Variants in FAM110C observed in about 807,000 individuals in gnomAD.
The protein encoded by FAM110C is family with sequence similarity 110 member C.
In FAM110C, 19 loss-of-function variants were observed where a neutral mutation model predicts 15.7. That is an observed-to-expected ratio of 1.21 (90% CI 0.85 to 1.78). FAM110C has a LOEUF of 1.78. Among genes scored for constraint, FAM110C ranks in the 40% most tolerant of loss-of-function variants. The pLI is 0.00. For missense variants in FAM110C, 547 were observed against 495.7 expected (o/e 1.10, Z -0.98); for synonymous variants, 275 against 233.9 (o/e 1.18, Z -1.61).
At position 39,721 on chromosome 2, in the gene FAM110C, T is replaced by G. The variant is rs1012694510; in HGVS notation, c.*1887A>C. 4 of 152,224 alleles carry G rather than the reference T, an allele frequency of 2.6e-5. No individual in the cohort carries two copies. The highest frequency in any genetic ancestry group is 9.6e-5 in the African/African-American group (4 of 41,468). The allele number at this position is 152,224 out of a possible 1,614,324, so 9.4% of individuals were successfully genotyped here. On this transcript the variant is annotated 3_prime_UTR_variant, in exon 2 of 2. Transcript: ENST00000327669. ...ATGAATGATGAGTCTGCATGATTTT[T>G]ATCTTAAATAAATCTGACCCAGGCT...
At chr2:44,805 G>A in intron 1 of FAM110C, 1 of 985,418 alleles carries the variant, frequency 1.0e-6, no homozygotes, top group Non-Finnish European at 1.2e-6. Context: ...TTAAAAACCT[G>A]AAGCTCTCAA....
At position 45,500 on chromosome 2, in the gene FAM110C, A is replaced by G; in HGVS notation, c.886T>C (p.Trp296Arg). The G allele has an allele frequency of 6.2e-7, 1 of 1,614,056 alleles. No homozygotes were observed. The highest frequency in any genetic ancestry group is 1.1e-5 in the South Asian group (1 of 91,074). The change falls in exon 1 of 2, where the codon TGG becomes CGG. Residue 296 changes from tryptophan (W) to arginine (R), a missense_variant. Trp to Arg is a moderately radical substitution (Grantham distance 101). Transcript: ENST00000327669. ...VIERNARIIK[W>R]LYTCKKAKET... ...TTGGCCTTCTTACAGGTGTACAGCC[A>G]CTTGATGATGCGGGCGTTCCTCTCG... is the stretch of plus-strand genomic sequence containing the variant.
intron 1 of FAM110C, 28 bp downstream of exon 1, chr2:45,412 C>A: frequency 6.3e-7 from 1 of 1,582,932 alleles, no homozygotes; most frequent in East Asian, 2.2e-5. Context: ...ACACGGCCAG[C>A]CCCGCCCCCA....
chr2:44,862 T>C, intron 1 of FAM110C: 6 of 985,424 alleles, frequency 6.1e-6, no homozygotes, highest in Non-Finnish European at 7.2e-6. Flanking sequence ...TGTTGCTAAG[T>C]GAATGCCAAA....
In FAM110C at chr2:40,156, G is replaced by A; in HGVS notation, c.*1452C>T. On this transcript the variant is annotated 3_prime_UTR_variant, in exon 2 of 2. Coordinates refer to ENST00000327669, the MANE Select transcript of FAM110C (RefSeq NM_001077710.3). Reference sequence around the variant, plus strand: ...ACAAAGAGATGACCAAGAAAAACATGATTTAAAATTATACTGACAAAAACT... The same window carrying A: ...ACAAAGAGATGACCAAGAAAAACATAATTTAAAATTATACTGACAAAAACT... 1 of 152,094 alleles carries A rather than the reference G, an allele frequency of 6.6e-6. No homozygotes were observed. The highest frequency in any genetic ancestry group is 1.9e-4 in the East Asian group (1 of 5,200). 9.4% of individuals were successfully genotyped at this position (152,094 alleles called of 1,614,324 possible).
rs532263827 is a variant in FAM110C, at chr2:39,994, G to C, written c.*1614C>G. 4 of 152,262 alleles carry C rather than the reference G, an allele frequency of 2.6e-5. No individual in the cohort carries two copies. The East Asian group carries it at 7.7e-4, about 29-fold the overall frequency. 9.4% of individuals were successfully genotyped at this position (152,262 alleles called of 1,614,324 possible). A position where few individuals can be genotyped will look rare whatever the true frequency, so the allele number is the denominator to read the frequency against. ...TCAGGGGACCTGCTGTCCTGACAGA[G>C]TCTATATTCGGCCAGCAAAGGCTCC... is the stretch of plus-strand genomic sequence containing the variant. On this transcript the variant is annotated 3_prime_UTR_variant, in exon 2 of 2. Transcript: ENST00000327669.
In FAM110C at chr2:40,462, T is replaced by C. The variant is rs998437588; in HGVS notation, c.*1146A>G. The C allele has an allele frequency of 1.3e-5, 2 of 152,188 alleles. No individual in the cohort carries two copies. The highest frequency in any genetic ancestry group is 4.8e-5 in the African/African-American group (2 of 41,454). The allele number at this position is 152,188 out of a possible 1,614,324, so 9.4% of individuals were successfully genotyped here. Reference sequence around the variant, plus strand: ...GAAGAATTGGCTGGGTAACAAATTTTCTTTGGGTTATTTCTCAGAAGGTTC... The same window carrying C: ...GAAGAATTGGCTGGGTAACAAATTTCCTTTGGGTTATTTCTCAGAAGGTTC... On this transcript the variant is annotated 3_prime_UTR_variant, in exon 2 of 2. Transcript: ENST00000327669.
rs1484187816 is a variant in FAM110C at position 39,059 on chromosome 2, TA to T, written c.*2548del. ...CAGTGCCCAGTAGTTTAAAACATTC[TA>T]TTATGTTTAATTACATTTTGAAAAA... On this transcript the variant is annotated 3_prime_UTR_variant, in exon 2 of 2. Transcript: ENST00000327669. 6.6e-6 allele frequency: 1 copy of T among 152,238 alleles called. No homozygotes were observed. The highest frequency in any genetic ancestry group is 1.5e-5 in the Non-Finnish European group (1 of 68,042). The allele number at this position is 152,238 out of a possible 1,614,324, so 9.4% of individuals were successfully genotyped here.
intron 1 of FAM110C, chr2:42,690 T>C (rs993285652): frequency 1.5e-5 from 6 of 390,148 alleles, no homozygotes; most frequent in African/African-American, 1.1e-4. Flanking sequence ...AAGAAACTTA[T>C]AAACGTATTT....
At chr2:43,092 G>C (rs10179984) in intron 1 of FAM110C, 2 of 985,430 alleles carry the variant, frequency 2.0e-6, no homozygotes, top group South Asian at 4.7e-5. Context: ...ACACTGTTCC[G>C]GTGATCTGGA....
intron 1 of FAM110C, chr2:41,836 C>T: frequency 1.0e-6 from 1 of 985,394 alleles, no homozygotes; most frequent in South Asian, 4.7e-5. Context: ...TCTGGCAGAA[C>T]AAATTCCATC....
At chr2:42,693 A>T in intron 1 of FAM110C, 1 of 392,962 alleles carries the variant, frequency 2.5e-6, no homozygotes, top group Non-Finnish European at 3.5e-6. Flanking sequence ...AAACTTATAA[A>T]CGTATTTAGT....
In FAM110C at chr2:46,047, C is replaced by T. The variant is rs751496838; in HGVS notation, c.339G>A (p.Ser113=). Residue 113 remains serine, a synonymous_variant, in exon 1 of 2, where the codon TCG becomes TCA. Coordinates refer to ENST00000327669, the MANE Select transcript of FAM110C (RefSeq NM_001077710.3). ...GGCTTGCCCTGGGGCCGTCGGCGCC[C>T]GATCCTCGCACGAATTCGCATTTCT... ...YRQKCEFVRG[S]GADGPRASLV... is the part of the protein sequence containing the mutation. The T allele has an allele frequency of 3.9e-6, 6 of 1,520,810 alleles. No homozygotes were observed. The African/African-American group carries it at 7.2e-5, about 18-fold the overall frequency. 94.2% of individuals were successfully genotyped at this position (1,520,810 alleles called of 1,614,324 possible).
rs77179864 is a variant in FAM110C, at chr2:41,647, A to G, written c.947-20T>C. ...TGCTTCCTGAGGAGTTAAAGAAAAA[A>G]TAGTGAATCAACTCCAGTCTAGACA... On this transcript the variant is annotated intron_variant, in intron 1 of 1. Coordinates refer to ENST00000327669, the MANE Select transcript of FAM110C (RefSeq NM_001077710.3). 5.4e-3 allele frequency: 8,746 copies of G among 1,613,390 alleles called. 37 individuals carry two copies. Among genetic ancestry groups the G allele is most frequent in the Non-Finnish European group, 6.9e-3 (8,097 of 1,179,730 alleles).
In FAM110C at chr2:46,243, A is replaced by G; in HGVS notation, c.143T>C (p.Val48Ala). 1 of 1,412,824 alleles carries G rather than the reference A, an allele frequency of 7.1e-7. No homozygotes were observed. The allele number at this position is 1,412,824 out of a possible 1,614,324, so 87.5% of individuals were successfully genotyped here. A position where few individuals can be genotyped will look rare whatever the true frequency, so the allele number is the denominator to read the frequency against. ...ERLAADRAKYVRGRPGTGRGV... is the reference protein window; with the variant it reads ...ERLAADRAKYARGRPGTGRGV... ...CCGGCCAGTCCCCGGCCGACCCCGC[A>G]CATACTTGGCGCGATCCGCCGCCAG... The change falls in exon 1 of 2, where the codon GTG becomes GCG. Residue 48 changes from valine to alanine, a missense_variant. By Grantham distance (64) the Val-to-Ala change is moderately conservative (BLOSUM62 0). Coordinates refer to ENST00000327669, the MANE Select transcript of FAM110C (RefSeq NM_001077710.3).
chr2:46,085 TC>T lies in FAM110C; in HGVS notation c.300del (p.Ile101SerfsTer23). ...IARKPLRPDS[L>X]IIYRQKCEFV... ...AATTCGCATTTCTGCCGGTAGATGA[TC>T]AGCGAGTCCGGTCTCAACGGCTTCC... On this transcript the variant is annotated frameshift_variant, in exon 1 of 2. Transcript: ENST00000327669. LOFTEE classifies it high-confidence loss of function. The T allele has an allele frequency of 6.6e-7, 1 of 1,521,736 alleles. No homozygotes were observed. Among genetic ancestry groups the T allele is most frequent in the South Asian group, 1.2e-5 (1 of 82,196 alleles). The allele number at this position is 1,521,736 out of a possible 1,614,324, so 94.3% of individuals were successfully genotyped here.
At chr2:43,308 A>G (rs900076039) in intron 1 of FAM110C, 4 of 985,264 alleles carry the variant, frequency 4.1e-6, no homozygotes, top group Non-Finnish European at 4.8e-6. Flanking sequence ...GCTCTGAGAA[A>G]TAATGTGAAA....
At chr2:44,671 A>C in intron 1 of FAM110C, 1 of 985,400 alleles carries the variant, frequency 1.0e-6, no homozygotes, top group Non-Finnish European at 1.2e-6. Flanking sequence ...CCCCAGTGAA[A>C]AGCAAAAAGA....
In FAM110C at chr2:46,311, G is replaced by T. The variant is rs1664310715; in HGVS notation, c.75C>A (p.Asp25Glu). Residue 25 changes from aspartate (D) to glutamate (E), a missense_variant, in exon 1 of 2, where the codon GAC (aspartate) becomes GAA (glutamate). Asp to Glu is a conservative substitution (Grantham distance 45). Coordinates refer to ENST00000327669, the MANE Select transcript of FAM110C (RefSeq NM_001077710.3). ...TGCGCGCCGGCCGCGCGGCGTCGGG[G>T]TCCCGGGTAGCCGCGGGGTCCCGGG... ...LLPRDPAATR[D>E]PDAARPARRS... The T allele has an allele frequency of 7.5e-7, 1 of 1,326,040 alleles. No individual in the cohort carries two copies. 82.1% of individuals were successfully genotyped at this position (1,326,040 alleles called of 1,614,324 possible). A position where few individuals can be genotyped will look rare whatever the true frequency, so the allele number is the denominator to read the frequency against.
Sources: gnomAD v4.1 joint callset for allele counts on GRCh38, gnomAD v4.1.1 for gene constraint, MANE v1.5 for transcripts, NCBI Gene and HGNC (gene_info 2026-07-23, HGNC 2026-07-21) for gene names.